EHMT1: variants seen among roughly 807,000 people sequenced by gnomAD.
EHMT1 encodes histone-lysine N-methyltransferase EHMT1.
In EHMT1, 15 loss-of-function variants were observed where a neutral mutation model predicts 147.2. The ratio of observed to expected loss-of-function variants is 0.10; its 90% CI spans 0.07 to 0.16. The LOEUF (loss-of-function observed/expected upper bound fraction) is 0.16, where lower values mean the gene tolerates loss of function less well. EHMT1 is among the 10% of genes least tolerant of loss of function. EHMT1 has a pLI of 1.00. For synonymous variants in EHMT1, 795 were observed against 709.6 expected, an observed-to-expected ratio of 1.12 and a Z score of -1.91; for missense variants, 1,587 against 1,772.4, an observed-to-expected ratio of 0.90 and a Z score of 1.88.
At position 137,716,708 on chromosome 9, in the gene EHMT1, G is replaced by T; in HGVS notation, c.168G>T (p.Gly56=). Residue 56 remains glycine, a synonymous_variant, in exon 3 of 27, where the codon GGG becomes GGT. Transcript: ENST00000460843. ...AHMAADGETN[G]SCENSDASSH... ...TGGCTGCGGACGGTGAGACCAATGG[G>T]TCTTGTGAAAACAGCGATGCCAGCA... The T allele has an allele frequency of 1.2e-6, 2 of 1,611,470 alleles. No homozygotes were observed. The highest frequency in any genetic ancestry group is 1.7e-6 in the Non-Finnish European group (2 of 1,178,590).
At chr9:137,769,097 A>T (rs979314298) in intron 10 of EHMT1, among the ~76,000 whole-genome samples, 8 of 152,202 alleles carry the variant, frequency 5.3e-5, no homozygotes, top group African/African-American at 1.4e-4. Flanking sequence ...TGGAGTGTAC[A>T]ATACACATCT....
At chr9:137,749,848 C>T (rs1403197936) in intron 6 of EHMT1, among the ~76,000 whole-genome samples, 1 of 152,130 alleles carries the variant, frequency 6.6e-6, no homozygotes, top group African/African-American at 2.4e-5. Context: ...AGAAACCTGT[C>T]CAGTGACATG....
At chr9:137,635,774 G>C (rs761619999) in intron 1 of EHMT1, among the ~76,000 whole-genome samples, 23 of 151,100 alleles carry the variant, frequency 1.5e-4, no homozygotes, top group South Asian at 1.3e-3. Context: ...GAGCTGAGAT[G>C]GTGCCACTGC....
In EHMT1 at chr9:137,731,366, T is replaced by C. The variant is rs1947096508; in HGVS notation, c.823+2837T>C. Among the ~76,000 whole-genome samples, 1 of 152,220 alleles carries C rather than the reference T, an allele frequency of 6.6e-6. No homozygotes were observed. Among genetic ancestry groups the C allele is most frequent in the Non-Finnish European group, 1.5e-5 (1 of 68,036 alleles). On this transcript the variant is annotated intron_variant, in intron 4 of 26. Coordinates refer to ENST00000460843, the MANE Select transcript of EHMT1 (RefSeq NM_024757.5). The surrounding 1 kb of genome is among the most constrained non-coding windows in gnomAD (Gnocchi z 4.3). ...CGGAGTGGGCACAGAAGTTACAGTT[T>C]CTGTGCTAGAACGTGTTAACTAGAG...
At position 137,775,940 on chromosome 9, in the gene EHMT1, CGTCT is replaced by C. The variant is rs762600190; in HGVS notation, c.1792-671_1792-668del. On this transcript the variant is annotated intron_variant, in intron 11 of 26. Transcript: ENST00000460843. This position sits in a 1 kb window ranked among gnomAD's most constrained non-coding sequence, Gnocchi z 6.1. ...ATCTGTGTGAGCCTCTGCCTGTAAG[CGTCT>C]GTCTGTGTGCGCCTGTGTGTGTGAG... Among the ~76,000 whole-genome samples, 6 of 151,756 alleles carry C rather than the reference CGTCT, an allele frequency of 4.0e-5. No individual in the cohort carries two copies. Among genetic ancestry groups the C allele is most frequent in the South Asian group, 2.1e-4 (1 of 4,816 alleles).
intron 1 of EHMT1, among the ~76,000 whole-genome samples, chr9:137,629,263 T>C (rs1479745098): frequency 6.7e-6 from 1 of 150,076 alleles, no homozygotes; most frequent in Non-Finnish European, 1.5e-5. Context: ...TGGCTAATTT[T>C]GTATTTTTAG....
intron 10 of EHMT1, among the ~76,000 whole-genome samples, chr9:137,770,762 C>T (rs1308912029): frequency 6.6e-6 from 1 of 152,210 alleles, no homozygotes; most frequent in Non-Finnish European, 1.5e-5. Flanking sequence ...CTCCTCTGAG[C>T]ACCCAGGAGC....
At chr9:137,659,567 T>C (rs978936982) in intron 1 of EHMT1, among the ~76,000 whole-genome samples, 1 of 151,334 alleles carries the variant, frequency 6.6e-6, no homozygotes, top group African/African-American at 2.4e-5. Flanking sequence ...TTTTTTTTTT[T>C]TTTTTGGAGA....
intron 1 of EHMT1, among the ~76,000 whole-genome samples, chr9:137,687,841 C>T (rs970998847): frequency 6.6e-6 from 1 of 152,198 alleles, no homozygotes; most frequent in Admixed American, 6.5e-5. Flanking sequence ...GTTATAATAG[C>T]CTGAAAGGAT....
chr9:137,813,407 G>A lies in EHMT1; in HGVS notation c.3057G>A (p.Glu1019=). The A allele has an allele frequency of 6.2e-7, 1 of 1,612,894 alleles. No homozygotes were observed. Among genetic ancestry groups the A allele is most frequent in the Non-Finnish European group, 8.5e-7 (1 of 1,179,738 alleles). ...IVSRDIARGY[E]RIPIPCVNAV... ...GCAGGGACATCGCTCGAGGCTACGA[G>A]CGCATCCCCATCCCCTGTGTCAACG... Residue 1019 remains glutamate, a synonymous_variant, in exon 21 of 27, where the codon GAG becomes GAA. Coordinates refer to ENST00000460843, the MANE Select transcript of EHMT1 (RefSeq NM_024757.5). This position sits in a 1 kb window ranked among gnomAD's most constrained non-coding sequence, Gnocchi z 4.9.
intron 1 of EHMT1, among the ~76,000 whole-genome samples, chr9:137,680,690 A>G (rs1338005236): frequency 6.6e-6 from 1 of 152,238 alleles, no homozygotes; most frequent in Non-Finnish European, 1.5e-5. Context: ...TAGATACTGC[A>G]GTCTTCCAGA....
intron 4 of EHMT1, 126 bp from the exon 5 acceptor site, chr9:137,743,245 T>C (rs1356084173): frequency 1.6e-6 from 2 of 1,248,808 alleles, no homozygotes; most frequent in African/African-American, 3.0e-5. Flanking sequence ...AGTGGGCCTG[T>C]TGTGATGGGG....
intron 16 of EHMT1, among the ~76,000 whole-genome samples, chr9:137,791,583 A>C (rs1205545494): frequency 6.6e-6 from 1 of 152,362 alleles, no homozygotes; most frequent in East Asian, 1.9e-4. Flanking sequence ...TGTTAGTTGA[A>C]AACTAACAAA....
intron 1 of EHMT1, among the ~76,000 whole-genome samples, chr9:137,648,057 T>A (rs1335679484): frequency 6.6e-6 from 1 of 152,134 alleles, no homozygotes; most frequent in Non-Finnish European, 1.5e-5. Context: ...CCTTTCATAT[T>A]TTTTTGGCAT....
intron 1 of EHMT1, among the ~76,000 whole-genome samples, chr9:137,684,287 C>T (rs1283495426): frequency 6.6e-6 from 1 of 152,094 alleles, no homozygotes; most frequent in African/African-American, 2.4e-5. Context: ...CCCGCCTTGG[C>T]CTCCCAAAGT....
At chr9:137,724,942 T>TG (rs1450487249) in intron 3 of EHMT1, among the ~76,000 whole-genome samples, 7 of 148,552 alleles carry the variant, frequency 4.7e-5, no homozygotes, top group Non-Finnish European at 8.9e-5. Context: ...GTGGCATTCG[T>TG]GGGGCAGGCG....
At chr9:137,789,034 G>A (rs1281947411) in intron 15 of EHMT1, 1 of 152,604 alleles carries the variant, frequency 6.6e-6, no homozygotes, top group East Asian at 1.9e-4. Context: ...CACTCTTAGA[G>A]CTTTCTTGGA....
intron 13 of EHMT1, among the ~76,000 whole-genome samples, chr9:137,779,396 G>A (rs962264801): frequency 6.6e-6 from 1 of 152,268 alleles, no homozygotes; most frequent in Non-Finnish European, 1.5e-5. Context: ...GACTGGGAAC[G>A]CAGTTTCTTG....
chr9:137,748,924 T>A (rs1408896216), intron 6 of EHMT1, among the ~76,000 whole-genome samples: 5 of 152,204 alleles, frequency 3.3e-5, no homozygotes, highest in Non-Finnish European at 7.3e-5. Flanking sequence ...TTAGCCATTC[T>A]GCTCAGAAGC....
Sources: allele counts gnomAD v4.1 joint callset (sites outside exome capture counted in the v4.1 genomes callset), GRCh38; gene constraint gnomAD v4.1.1; non-coding constraint Gnocchi (gnomAD v3.1); transcripts MANE v1.5; gene names NCBI Gene and HGNC (gene_info 2026-07-23, HGNC 2026-07-21).